Variants in EXOC6B observed in about 807,000 individuals in gnomAD.
EXOC6B encodes exocyst complex component 6B.
EXOC6B carries 54 observed loss-of-function variants against 113.5 expected under a neutral mutation model. The observed-to-expected ratio is 0.48, with a 90% CI of 0.38 to 0.60. EXOC6B has a LOEUF of 0.60. EXOC6B is among the 20% of genes least tolerant of loss of function. The pLI, the probability that EXOC6B is intolerant of heterozygous loss-of-function variation, is 0.00. For synonymous variants in EXOC6B, 357 were observed against 339.0 expected (o/e 1.05, Z -0.58); for missense variants, 797 against 977.5 (o/e 0.82, Z 2.46).
At chr2:72,300,974 G>A (rs754176373) in intron 20 of EXOC6B, among the ~76,000 whole-genome samples, 2 of 152,046 alleles carry the variant, frequency 1.3e-5, no homozygotes, top group African/African-American at 4.8e-5. Flanking sequence ...GTTCCTATTC[G>A]GCCATCTTGC....
intron 20 of EXOC6B, among the ~76,000 whole-genome samples, chr2:72,275,561 G>T (rs1397321487): frequency 6.6e-6 from 1 of 152,166 alleles, no homozygotes; most frequent in African/African-American, 2.4e-5. Flanking sequence ...CATAGACATG[G>T]ATGGTCAAAC....
chr2:72,440,022 A>G (rs1253408712), intron 18 of EXOC6B, among the ~76,000 whole-genome samples: 2 of 152,088 alleles, frequency 1.3e-5, no homozygotes, highest in Non-Finnish European at 2.9e-5. Flanking sequence ...AGGCTGAGAA[A>G]CGCAAAGATA....
intron 1 of EXOC6B, among the ~76,000 whole-genome samples, chr2:72,822,440 G>A (rs2105180840): frequency 6.6e-6 from 1 of 152,232 alleles, no homozygotes. Context: ...ATATCCTTAT[G>A]ATAGATGGGA....
intron 1 of EXOC6B, among the ~76,000 whole-genome samples, chr2:72,789,764 GA>G (rs1684574473): frequency 6.6e-6 from 1 of 152,060 alleles, no homozygotes; most frequent in East Asian, 1.9e-4. Flanking sequence ...GTAAATATAG[GA>G]AAATGTCAAT....
chr2:72,468,795 A>T (rs748088293), intron 17 of EXOC6B, among the ~76,000 whole-genome samples: 1 of 152,072 alleles, frequency 6.6e-6, no homozygotes, highest in Non-Finnish European at 1.5e-5. Flanking sequence ...TTATTTCTTC[A>T]ATTTTTTCTT....
chr2:72,322,124 T>C (rs1298159405), intron 20 of EXOC6B, among the ~76,000 whole-genome samples: 1 of 152,184 alleles, frequency 6.6e-6, no homozygotes, highest in South Asian at 2.1e-4. Context: ...TGTACATGAA[T>C]GTTCACAGCA....
At chr2:72,281,776 A>T (rs1225177881) in intron 20 of EXOC6B, among the ~76,000 whole-genome samples, 1 of 152,220 alleles carries the variant, frequency 6.6e-6, no homozygotes, top group Non-Finnish European at 1.5e-5. Context: ...AACACAAAGA[A>T]AACCATGTGC....
chr2:72,600,747 TCTGGACAATAACAAGAGAAAATCTAG>T (rs1670376536), intron 6 of EXOC6B, among the ~76,000 whole-genome samples: 1 of 152,032 alleles, frequency 6.6e-6, no homozygotes, highest in Non-Finnish European at 1.5e-5. Flanking sequence ...ATATAAAACT[TCTGGACAATAACAAGAGAAAATCTAG>T]GTAACCTTGG....
At chr2:72,518,483 G>GGGGTGTGTGA (rs1304428616) in intron 8 of EXOC6B, among the ~76,000 whole-genome samples, 2 of 143,480 alleles carry the variant, frequency 1.4e-5, no homozygotes, top group African/African-American at 5.1e-5. Flanking sequence ...ATTAAAGTAG[G>GGGGTGTGTGA]GTGTGTGTGT....
intron 6 of EXOC6B, among the ~76,000 whole-genome samples, chr2:72,673,767 TTTTA>T (rs200562776): frequency 1.2e-3 from 186 of 150,054 alleles, no homozygotes; most frequent in East Asian, 2.5e-3. Flanking sequence ...TTATTTTTTA[TTTTA>T]TTTTTTTATT....
intron 6 of EXOC6B, among the ~76,000 whole-genome samples, chr2:72,592,112 T>C (rs1055311423): frequency 6.6e-6 from 1 of 151,980 alleles, no homozygotes; most frequent in African/African-American, 2.4e-5. Context: ...ACTAGATAAT[T>C]TAGATAAGAA....
rs1404974302 is a variant in EXOC6B, at chr2:72,344,829, G to A, written c.2123-9809C>T. On this transcript the variant is annotated intron_variant, in intron 19 of 21. Coordinates refer to ENST00000272427, the MANE Select transcript of EXOC6B (RefSeq NM_015189.3). ...AGAAAAAAAAATGAAGAGAAGTAGG[G>A]GGAAAAAAAAGCACAAGCCCTTTAA... 2.6e-5 allele frequency among the ~76,000 whole-genome samples: 4 copies of A among 152,078 alleles called. No homozygotes were observed. In the East Asian group the frequency reaches 7.8e-4, roughly 30 times the overall value.
chr2:72,393,407 G>A (rs1357614323), intron 18 of EXOC6B, among the ~76,000 whole-genome samples: 1 of 151,856 alleles, frequency 6.6e-6, no homozygotes, highest in Non-Finnish European at 1.5e-5. Context: ...GATTTTTTTA[G>A]GGGAGTTTCT....
intron 20 of EXOC6B, among the ~76,000 whole-genome samples, chr2:72,302,732 A>G (rs945063686): frequency 1.3e-5 from 2 of 151,456 alleles, no homozygotes; most frequent in African/African-American, 4.9e-5. Flanking sequence ...TGTGTGTGAG[A>G]TGGGTCTTAG....
intron 5 of EXOC6B, among the ~76,000 whole-genome samples, chr2:72,724,011 G>A (rs1573693197): frequency 6.6e-6 from 1 of 152,186 alleles, no homozygotes; most frequent in East Asian, 1.9e-4. Context: ...CAGCCTTGCT[G>A]ACTTAAAGAA....
At chr2:72,688,094 A>G (rs1013466783) in intron 6 of EXOC6B, among the ~76,000 whole-genome samples, 1 of 152,166 alleles carries the variant, frequency 6.6e-6, no homozygotes, top group African/African-American at 2.4e-5. Flanking sequence ...CCTAGTATTA[A>G]AGGGAGGGAA....
At chr2:72,663,193 A>C (rs1675147013) in intron 6 of EXOC6B, among the ~76,000 whole-genome samples, 1 of 152,234 alleles carries the variant, frequency 6.6e-6, no homozygotes, top group African/African-American at 2.4e-5. Flanking sequence ...AATACTCAAC[A>C]ATAAAAAGGA....
chr2:72,227,026 C>T (rs1681288678), intron 20 of EXOC6B, among the ~76,000 whole-genome samples: 2 of 151,992 alleles, frequency 1.3e-5, no homozygotes, highest in Non-Finnish European at 2.9e-5. Flanking sequence ...ACATTCATAG[C>T]TGTAATGCTA....
intron 19 of EXOC6B, among the ~76,000 whole-genome samples, chr2:72,368,346 A>G (rs1023998450): frequency 2.0e-5 from 3 of 152,312 alleles, no homozygotes; most frequent in African/African-American, 7.2e-5. Flanking sequence ...GACCAATAAC[A>G]GGCTCTGAAA....
Sources: allele counts gnomAD v4.1 joint callset (sites outside exome capture counted in the v4.1 genomes callset), GRCh38; gene constraint gnomAD v4.1.1; transcripts MANE v1.5; gene names NCBI Gene and HGNC (gene_info 2026-07-23, HGNC 2026-07-21).